FAM78B: variants seen among roughly 807,000 people sequenced by gnomAD.
FAM78B encodes the protein protein FAM78B.
FAM78B carries 10 observed loss-of-function variants against 20.0 expected under a neutral mutation model. The observed-to-expected ratio is 0.50, with a 90% confidence interval of 0.31 to 0.85. The LOEUF (loss-of-function observed/expected upper bound fraction) is 0.85. Ranked by LOEUF, FAM78B falls within the 40% of genes least tolerant of loss-of-function variation. The probability of loss-of-function intolerance (pLI) is 0.05; values close to 1 mark genes in which losing one functional copy is unlikely to be tolerated. For missense variants in FAM78B, 283 were observed against 345.0 expected (o/e 0.82, Z 1.42); for synonymous variants, 135 against 132.8 (o/e 1.02, Z -0.12).
chr1:166,144,606 G>C (rs141888965), intron 1 of FAM78B, among the ~76,000 whole-genome samples: 98 of 152,214 alleles, frequency 6.4e-4, no homozygotes, highest in African/African-American at 2.1e-3. Context: ...GGCGGAAAGG[G>C]GGGCAGAGTG....
intron 1 of FAM78B, chr1:166,087,118 T>G (rs1424092044): frequency 1.3e-5 from 2 of 151,816 alleles, no homozygotes; most frequent in African/African-American, 4.8e-5. Context: ...CAGGCTGGAG[T>G]GCAATGGCAC....
At position 166,109,840 on chromosome 1, in the gene FAM78B, G is replaced by GTATA. The variant is rs1300124049; in HGVS notation, c.264-39081_264-39078dup. Among the ~76,000 whole-genome samples the GTATA allele has an allele frequency of 2.0e-3, 53 of 25,918 alleles. 4 individuals are homozygous for GTATA. The highest frequency in any genetic ancestry group is 3.8e-3 in the African/African-American group (35 of 9,142). 17.0% of individuals were successfully genotyped at this position (25,918 alleles called of 152,430 possible). On this transcript the variant is annotated intron_variant, in intron 1 of 1. Coordinates refer to ENST00000354422, the MANE Select transcript of FAM78B (RefSeq NM_001017961.5). ...TATATATATATATATATGTATATAT[G>GTATA]TATATATATATATATATATATGTAT...
chr1:166,158,193 T>C (rs1226771827), intron 1 of FAM78B, among the ~76,000 whole-genome samples: 1 of 152,156 alleles, frequency 6.6e-6, no homozygotes, highest in African/African-American at 2.4e-5. Context: ...GGTGTGGTGG[T>C]ACATGACTGT....
Position 166,069,321 on chromosome 1 carries a change from T to C in FAM78B, c.*920A>G, listed in dbSNP as rs1003636173. 1.3e-5 allele frequency among the ~76,000 whole-genome samples: 2 copies of C among 152,218 alleles called. No individual in the cohort carries two copies. Among genetic ancestry groups the C allele is most frequent in the Non-Finnish European group, 2.9e-5 (2 of 68,046 alleles). On this transcript the variant is annotated 3_prime_UTR_variant, in exon 2 of 2. Coordinates refer to ENST00000354422, the MANE Select transcript of FAM78B (RefSeq NM_001017961.5). ...AAACAGAATGAAAATGCTGTTCTTA[T>C]TTGCTGAAATGTTCTTGAACCTTAC...
chr1:166,075,423 TTGTG>T (rs149448084), intron 1 of FAM78B, among the ~76,000 whole-genome samples: 1 of 151,720 alleles, frequency 6.6e-6, no homozygotes, highest in Non-Finnish European at 1.5e-5. Flanking sequence ...GTATGGCTGA[TTGTG>T]TGTGTGTGTG....
At chr1:166,066,965 T>A (rs962109466), downstream of FAM78B, among the ~76,000 whole-genome samples, 1 of 151,958 alleles carries the variant, frequency 6.6e-6, no homozygotes, top group African/African-American at 2.4e-5. Flanking sequence ...GAAGGGCCCA[T>A]ATTAAGGGTT....
chr1:166,076,794 T>TG (rs2101716564), intron 1 of FAM78B, among the ~76,000 whole-genome samples: 1 of 152,332 alleles, frequency 6.6e-6, no homozygotes, highest in South Asian at 2.1e-4. Context: ...TAGACACTGC[T>TG]GCATTTGCGG....
At chr1:166,147,926 T>C (rs1442614547) in intron 1 of FAM78B, 1 of 152,168 alleles carries the variant, frequency 6.6e-6, no homozygotes, top group East Asian at 1.9e-4. Flanking sequence ...ATGAGCCACT[T>C]CCTTGACCCA....
intron 1 of FAM78B, among the ~76,000 whole-genome samples, chr1:166,163,192 G>C (rs1417391289): frequency 6.6e-6 from 1 of 152,188 alleles, no homozygotes; most frequent in African/African-American, 2.4e-5. Context: ...ACTTGCAGCA[G>C]TCTGTTCAAG....
At chr1:166,097,431 C>T (rs1390457685) in intron 1 of FAM78B, among the ~76,000 whole-genome samples, 2 of 152,232 alleles carry the variant, frequency 1.3e-5, no homozygotes, top group Non-Finnish European at 2.9e-5. Context: ...AGCCCCTTTT[C>T]TTCTGCAGCT....
chr1:166,157,872 T>C (rs570698930), intron 1 of FAM78B, among the ~76,000 whole-genome samples: 1 of 152,262 alleles, frequency 6.6e-6, no homozygotes, highest in African/African-American at 2.4e-5. Flanking sequence ...ACTGAGGATG[T>C]CGTCCCCCTG....
intron 1 of FAM78B, among the ~76,000 whole-genome samples, chr1:166,132,206 A>C (rs1004686456): frequency 2.0e-5 from 3 of 152,192 alleles, no homozygotes; most frequent in African/African-American, 7.2e-5. Context: ...ACCAGAATTA[A>C]GCAGTTCACA....
Position 166,094,003 on chromosome 1 carries a change from C to CTGTGTGTGTGTGTGTGTGTGTGTG in FAM78B, c.264-23264_264-23241dup, listed in dbSNP as rs58213930. ...AGGGGCACACAGGGCTTGCGAATGA[C>CTGTGTGTGTGTGTGTGTGTGTGTG]TGTGTGTGTGTGTGTGTGTGTGTGT... On this transcript the variant is annotated intron_variant, in intron 1 of 1. Transcript: ENST00000354422. Among the ~76,000 whole-genome samples the CTGTGTGTGTGTGTGTGTGTGTGTG allele has an allele frequency of 8.3e-3, 1,039 of 125,284 alleles. 13 individuals carry two copies. Among genetic ancestry groups the CTGTGTGTGTGTGTGTGTGTGTGTG allele is most frequent in the East Asian group, 0.023 (83 of 3,638 alleles). 82.2% of individuals were successfully genotyped at this position (125,284 alleles called of 152,430 possible).
At chr1:166,119,616 G>A (rs74118975) in intron 1 of FAM78B, among the ~76,000 whole-genome samples, 4,964 of 152,282 alleles carry the variant, frequency 0.033, 247 homozygotes, top group African/African-American at 0.11. Flanking sequence ...CTCCCTAAGA[G>A]AGCTGTTTTC....
At chr1:166,113,109 C>T (rs1224871773) in intron 1 of FAM78B, among the ~76,000 whole-genome samples, 1 of 151,880 alleles carries the variant, frequency 6.6e-6, no homozygotes, top group Non-Finnish European at 1.5e-5. Flanking sequence ...GCTCAATGGC[C>T]CCAGACCCTG....
chr1:166,076,008 C>T (rs1557889900), intron 1 of FAM78B, among the ~76,000 whole-genome samples: 1 of 152,238 alleles, frequency 6.6e-6, no homozygotes, highest in Non-Finnish European at 1.5e-5. Context: ...CTCCTTTCCA[C>T]TATCCCCATC....
Position 166,117,373 on chromosome 1 carries a change from A to AT in FAM78B, c.264-46611dup, listed in dbSNP as rs955170837. Among the ~76,000 whole-genome samples the AT allele has an allele frequency of 1.0e-3, 154 of 151,062 alleles. 1 individual carries two copies. Among genetic ancestry groups the AT allele is most frequent in the African/African-American group, 2.9e-3 (121 of 41,166 alleles). ...TTTTCTCTTTTTTTCTTTTATTATTATTTTTTTTTGTAAGGGGATGAGTAT... is the reference window on the plus strand; with the variant it reads ...TTTTCTCTTTTTTTCTTTTATTATTATTTTTTTTTTGTAAGGGGATGAGTAT... On this transcript the variant is annotated intron_variant, in intron 1 of 1. Coordinates refer to ENST00000354422, the MANE Select transcript of FAM78B (RefSeq NM_001017961.5).
At chr1:166,151,739 G>A (rs890809350) in intron 1 of FAM78B, among the ~76,000 whole-genome samples, 1 of 152,284 alleles carries the variant, frequency 6.6e-6, no homozygotes, top group Admixed American at 6.5e-5. Context: ...CAACCATTCG[G>A]CTAAAGAGAA....
chr1:166,106,863 CT>C (rs1373279791), intron 1 of FAM78B, among the ~76,000 whole-genome samples: 1 of 152,012 alleles, frequency 6.6e-6, no homozygotes. Context: ...CATGTACCCC[CT>C]GAATCTAAAA....
Sources: allele counts gnomAD v4.1 joint callset (sites outside exome capture counted in the v4.1 genomes callset), GRCh38; gene constraint gnomAD v4.1.1; transcripts MANE v1.5; gene names NCBI Gene and HGNC (gene_info 2026-07-23, HGNC 2026-07-21).